Variants in ELMO1 observed in about 807,000 individuals in gnomAD.
ELMO1 encodes engulfment and cell motility 1, also known as engulfment and cell motility protein 1.
A neutral mutation model predicts 98.9 loss-of-function variants in ELMO1; 26 were observed. That is an observed-to-expected ratio of 0.26 (90% confidence interval 0.19 to 0.36). The LOEUF is 0.36. Among genes scored for constraint, ELMO1 ranks in the 10% least tolerant of loss-of-function variants. The pLI is 1.00. For missense variants in ELMO1, 627 were observed against 935.2 expected (o/e 0.67, Z 4.30); for synonymous variants, 346 against 346.0 (o/e 1.00, Z 0.00).
intron 1 of ELMO1, among the ~76,000 whole-genome samples, chr7:37,376,776 T>C (rs1802366562): frequency 6.6e-6 from 1 of 152,218 alleles, no homozygotes; most frequent in Non-Finnish European, 1.5e-5. Flanking sequence ...TGCCTTGTGA[T>C]AACTAAACTC....
At chr7:37,264,655 G>GA (rs1157290058) in intron 5 of ELMO1, among the ~76,000 whole-genome samples, 3 of 152,122 alleles carry the variant, frequency 2.0e-5, no homozygotes, top group Non-Finnish European at 4.4e-5. Flanking sequence ...TCTAAGGATA[G>GA]AAAAAAGTTT....
rs574671378 is a variant in ELMO1, at chr7:37,375,728, G to T, written c.-73-32965C>A. ...CAGTTTGCCTGGAGACACTTCTACTGGTACCTTACCAATGAGGGTATCCAG... is the reference window on the plus strand; with the variant it reads ...CAGTTTGCCTGGAGACACTTCTACTTGTACCTTACCAATGAGGGTATCCAG... On this transcript the variant is annotated intron_variant, in intron 1 of 21. Coordinates refer to ENST00000310758, the MANE Select transcript of ELMO1 (RefSeq NM_014800.11). 9.6e-5 allele frequency: 119 copies of T among 1,235,808 alleles called. 1 individual carries two copies. The African/African-American group carries it at 1.5e-3, about 16-fold the overall frequency. The allele number at this position is 1,235,808 out of a possible 1,614,324, so 76.6% of individuals were successfully genotyped here.
intron 5 of ELMO1, chr7:37,269,323 A>G (rs1210280168): frequency 6.6e-6 from 1 of 151,956 alleles, no homozygotes; most frequent in South Asian, 2.1e-4. Context: ...CAGCCTCTCT[A>G]TTAAGGCCCC....
In ELMO1 at chr7:37,175,215, T is replaced by C. The variant is rs141106714; in HGVS notation, c.1086+36171A>G. 1.2e-3 allele frequency among the ~76,000 whole-genome samples: 190 copies of C among 152,296 alleles called. 1 individual carries two copies. The highest frequency in any genetic ancestry group is 3.9e-3 in the African/African-American group (164 of 41,558). On this transcript the variant is annotated intron_variant, in intron 13 of 21. Coordinates refer to ENST00000310758, the MANE Select transcript of ELMO1 (RefSeq NM_014800.11). ...AAATAGGTTGGGTAGTTTGGTGAGA[T>C]GAGCATATCCATAGTGTTTGTTCCT...
At chr7:37,032,983 A>G (rs1794959564) in intron 15 of ELMO1, among the ~76,000 whole-genome samples, 1 of 152,206 alleles carries the variant, frequency 6.6e-6, no homozygotes, top group Non-Finnish European at 1.5e-5. Flanking sequence ...GGTGGAATCT[A>G]AATCATACTT....
chr7:37,403,964 A>T, intron 1 of ELMO1, among the ~76,000 whole-genome samples: 1 of 152,186 alleles, frequency 6.6e-6, no homozygotes. Context: ...TACCACACTA[A>T]TGCAAGATGC....
intron 16 of ELMO1, among the ~76,000 whole-genome samples, chr7:36,930,808 G>A (rs555188777): frequency 9.2e-5 from 14 of 152,218 alleles, no homozygotes; most frequent in African/African-American, 1.7e-4. Flanking sequence ...GGGCAAAAAC[G>A]GTCAAAGCAT....
At chr7:37,094,549 A>C (rs923681232) in intron 15 of ELMO1, among the ~76,000 whole-genome samples, 8 of 152,146 alleles carry the variant, frequency 5.3e-5, no homozygotes, top group African/African-American at 7.2e-5. Flanking sequence ...GATTCTTGCC[A>C]GCTGAGGTCC....
chr7:36,967,396 G>A (rs2129128210), intron 16 of ELMO1, among the ~76,000 whole-genome samples: 1 of 152,298 alleles, frequency 6.6e-6, no homozygotes, highest in African/African-American at 2.4e-5. Flanking sequence ...TCCTGAGGTA[G>A]GGCCCAGTGA....
At chr7:37,418,649 C>G (rs1804337549) in intron 1 of ELMO1, among the ~76,000 whole-genome samples, 1 of 152,196 alleles carries the variant, frequency 6.6e-6, no homozygotes, top group South Asian at 2.1e-4. Flanking sequence ...GCGTCAGAGT[C>G]AGCTCAGATA....
intron 14 of ELMO1, among the ~76,000 whole-genome samples, chr7:37,104,058 C>G (rs1405730793): frequency 8.3e-6 from 1 of 120,400 alleles, no homozygotes; most frequent in Non-Finnish European, 1.8e-5. Context: ...AGAGAAAGGA[C>G]CAAACTAATG....
chr7:37,146,467 C>G (rs1246066124), intron 13 of ELMO1, among the ~76,000 whole-genome samples: 1 of 152,194 alleles, frequency 6.6e-6, no homozygotes, highest in Non-Finnish European at 1.5e-5. Flanking sequence ...TTGGATTGGG[C>G]AGTGACTCTT....
At chr7:37,164,260 G>A (rs1238961892) in intron 13 of ELMO1, among the ~76,000 whole-genome samples, 6 of 152,170 alleles carry the variant, frequency 3.9e-5, no homozygotes, top group Non-Finnish European at 7.3e-5. Context: ...TAAGTAGGTT[G>A]TGAAAATTTT....
chr7:37,234,439 G>T (rs569524769), intron 7 of ELMO1, among the ~76,000 whole-genome samples: 44 of 152,254 alleles, frequency 2.9e-4, no homozygotes, highest in African/African-American at 1.0e-3. Context: ...TTGAAATTCT[G>T]CATCACCACA....
At chr7:36,915,072 C>T (rs1784595659) in intron 16 of ELMO1, among the ~76,000 whole-genome samples, 1 of 152,010 alleles carries the variant, frequency 6.6e-6, no homozygotes, top group Admixed American at 6.6e-5. Flanking sequence ...AGGTGTGCAC[C>T]ACCACATCCT....
chr7:36,925,357 A>G (rs1469662280), intron 16 of ELMO1, among the ~76,000 whole-genome samples: 1 of 152,178 alleles, frequency 6.6e-6, no homozygotes, highest in Non-Finnish European at 1.5e-5. Context: ...CCTGCAATCT[A>G]TACATAGCTC....
At chr7:37,116,516 A>G (rs1393707389) in intron 14 of ELMO1, among the ~76,000 whole-genome samples, 1 of 152,202 alleles carries the variant, frequency 6.6e-6, no homozygotes, top group Non-Finnish European at 1.5e-5. Context: ...TGAGGGAGTC[A>G]GGAACATGTG....
intron 1 of ELMO1, among the ~76,000 whole-genome samples, chr7:37,423,871 G>T (rs371792645): frequency 1.3e-5 from 2 of 152,088 alleles, no homozygotes; most frequent in African/African-American, 4.8e-5. Flanking sequence ...CAGAGAAGTC[G>T]CATGTCTAAT....
intron 16 of ELMO1, among the ~76,000 whole-genome samples, chr7:36,977,695 G>A (rs1790673075): frequency 6.6e-6 from 1 of 152,208 alleles, no homozygotes; most frequent in Non-Finnish European, 1.5e-5. Flanking sequence ...TTACAGTTCA[G>A]TTTCTCTTAG....
Sources: allele counts gnomAD v4.1 joint callset (sites outside exome capture counted in the v4.1 genomes callset), GRCh38; gene constraint gnomAD v4.1.1; transcripts MANE v1.5; gene names NCBI Gene and HGNC (gene_info 2026-07-23, HGNC 2026-07-21).